ERICH6B: variants seen among roughly 807,000 people sequenced by gnomAD.
ERICH6B encodes glutamate rich 6B.
ERICH6B carries 69 observed loss-of-function variants against 80.0 expected under a neutral mutation model. That is an observed-to-expected ratio of 0.86 (90% CI 0.71 to 1.05). The LOEUF (loss-of-function observed/expected upper bound fraction) is 1.05, where lower values mean the gene tolerates loss of function less well. Among genes scored for constraint, ERICH6B ranks in the 50% least tolerant of loss-of-function variants. The pLI, the probability that ERICH6B is intolerant of heterozygous loss-of-function variation, is 0.00. For synonymous variants in ERICH6B, 283 were observed against 291.9 expected (o/e 0.97, Z 0.31); for missense variants, 754 against 796.1 (o/e 0.95, Z 0.64).
At chr13:45,597,154 T>A in intron 2 of ERICH6B, 91 bp from the exon 3 acceptor site, 2 of 931,826 alleles carry the variant, frequency 2.1e-6, no homozygotes, top group Non-Finnish European at 3.2e-6. Context: ...TTTCATTCAG[T>A]AGTCTTTGGA....
chr13:45,568,704 T>C (rs1875028017), intron 8 of ERICH6B, among the ~76,000 whole-genome samples: 1 of 152,044 alleles, frequency 6.6e-6, no homozygotes, highest in Non-Finnish European at 1.5e-5. Context: ...TGTAACAAAC[T>C]TGCACATCCT....
At chr13:45,563,837 T>C (rs1374767326) in intron 9 of ERICH6B, 49 bp from the exon 10 acceptor site, 1 of 1,448,056 alleles carries the variant, frequency 6.9e-7, no homozygotes, top group Admixed American at 2.0e-5. Context: ...AGTTCACGCA[T>C]ACATGCCATC....
chr13:45,554,158 C>G (rs1874338285), intron 11 of ERICH6B, among the ~76,000 whole-genome samples: 2 of 152,192 alleles, frequency 1.3e-5, no homozygotes, highest in African/African-American at 2.4e-5. Context: ...CAGCTCCTGG[C>G]CACTCTGTTC....
In ERICH6B at chr13:45,541,784, C is replaced by T. The variant is rs1336152995; in HGVS notation, c.1873-104G>A. The T allele has an allele frequency of 3.9e-6, 4 of 1,018,078 alleles. No individual in the cohort carries two copies. The African/African-American group carries it at 6.4e-5, about 16-fold the overall frequency. The allele number at this position is 1,018,078 out of a possible 1,614,324, so 63.1% of individuals were successfully genotyped here. The stretch of plus-strand genomic sequence containing the variant: ...TGGCCAGGACCAAGCGTTCCCTGAG[C>T]CTTCACTCGAGAAAGCACATCTGTG... On this transcript the variant is annotated intron_variant, in intron 14 of 14. Transcript: ENST00000298738.
chr13:45,561,266 T>G, intron 11 of ERICH6B, 103 bp downstream of exon 11: 2 of 1,175,900 alleles, frequency 1.7e-6, no homozygotes, highest in African/African-American at 3.1e-5. Flanking sequence ...GTGTTTACAT[T>G]GTGTGTTGTT....
chr13:45,542,775 A>G (rs1383985349), intron 14 of ERICH6B, among the ~76,000 whole-genome samples: 1 of 152,190 alleles, frequency 6.6e-6, no homozygotes, highest in Admixed American at 6.5e-5. Flanking sequence ...CTGGGATGTC[A>G]TTATTCACCT....
intron 5 of ERICH6B, among the ~76,000 whole-genome samples, chr13:45,586,851 G>C (rs977212416): frequency 6.6e-6 from 1 of 152,148 alleles, no homozygotes; most frequent in Admixed American, 6.6e-5. Flanking sequence ...TTTCTCTGAG[G>C]GGGGTCTGGG....
chr13:45,573,808 T>C lies in ERICH6B; in HGVS notation c.1050+1034A>G, dbSNP rs531610997. Among the ~76,000 whole-genome samples the C allele has an allele frequency of 3.3e-5, 5 of 152,354 alleles. No individual in the cohort carries two copies. In the East Asian group the frequency reaches 9.6e-4, roughly 29 times the overall value. ...CATCAATGGACAGGAGCCTTGAAGA[T>C]TTCTGAATAATTTGTGTCTAACTAA... On this transcript the variant is annotated intron_variant, in intron 8 of 14. Coordinates refer to ENST00000298738, the MANE Select transcript of ERICH6B (RefSeq NM_182542.3).
intron 13 of ERICH6B, among the ~76,000 whole-genome samples, chr13:45,546,840 C>T (rs1212736742): frequency 6.6e-6 from 1 of 152,192 alleles, no homozygotes; most frequent in Non-Finnish European, 1.5e-5. Flanking sequence ...AAGCCTTGCT[C>T]ACCTCCAGTG....
chr13:45,582,863 A>G (rs941805426), intron 5 of ERICH6B, among the ~76,000 whole-genome samples: 18 of 152,232 alleles, frequency 1.2e-4, no homozygotes, highest in African/African-American at 4.1e-4. Flanking sequence ...TAACCTTGTC[A>G]AAAAGTGACC....
intron 3 of ERICH6B, among the ~76,000 whole-genome samples, chr13:45,595,122 G>A (rs1414114621): frequency 2.6e-5 from 4 of 152,218 alleles, no homozygotes. Context: ...TAAGGGGGCC[G>A]AATGGGTATC....
intron 7 of ERICH6B, 106 bp downstream of exon 7, chr13:45,579,826 TG>T: frequency 9.0e-7 from 1 of 1,106,970 alleles, no homozygotes. Flanking sequence ...CTCTGGGCCC[TG>T]GGTCATGCTG....
intron 13 of ERICH6B, among the ~76,000 whole-genome samples, chr13:45,548,819 G>A (rs1460361111): frequency 2.0e-5 from 3 of 152,166 alleles, no homozygotes; most frequent in African/African-American, 7.2e-5. Context: ...GGCATTCAGG[G>A]GAGGGCAGAT....
At chr13:45,549,333 A>G (rs964134199) in intron 13 of ERICH6B, among the ~76,000 whole-genome samples, 1 of 152,036 alleles carries the variant, frequency 6.6e-6, no homozygotes, top group African/African-American at 2.4e-5. Flanking sequence ...CACTTAGAAG[A>G]GGGAGGGAAG....
At chr13:45,606,553 T>G (rs3992927) in intron 2 of ERICH6B, among the ~76,000 whole-genome samples, 2 of 25,798 alleles carry the variant, frequency 7.8e-5, no homozygotes, top group Non-Finnish European at 2.4e-4. Flanking sequence ...ATATATTTTT[T>G]TTTTTTTTTT....
intron 2 of ERICH6B, among the ~76,000 whole-genome samples, chr13:45,606,237 T>C (rs879275711): frequency 6.6e-6 from 1 of 152,108 alleles, no homozygotes; most frequent in Non-Finnish European, 1.5e-5. Context: ...AAAGAACCTT[T>C]CAATTAACCT....
chr13:45,577,391 C>T (rs928988109), intron 7 of ERICH6B, among the ~76,000 whole-genome samples: 2 of 139,828 alleles, frequency 1.4e-5, no homozygotes, highest in African/African-American at 5.1e-5. Context: ...TCAACCCATT[C>T]TCCTGCCTCA....
intron 4 of ERICH6B, among the ~76,000 whole-genome samples, 197 bp downstream of exon 4, chr13:45,590,452 A>C (rs1876110866): frequency 6.6e-6 from 1 of 151,934 alleles, no homozygotes; most frequent in Non-Finnish European, 1.5e-5. Flanking sequence ...CAGGACTCTG[A>C]TCTTGGGACC....
At chr13:45,600,701 A>G (rs1949822221) in intron 2 of ERICH6B, among the ~76,000 whole-genome samples, 1 of 152,194 alleles carries the variant, frequency 6.6e-6, no homozygotes, top group Non-Finnish European at 1.5e-5. Context: ...TTATGACTGC[A>G]CAGTATTCTA....
Sources: gnomAD v4.1 joint callset for allele counts (sites outside exome capture counted in the v4.1 genomes callset) on GRCh38, gnomAD v4.1.1 for gene constraint, MANE v1.5 for transcripts, NCBI Gene and HGNC (gene_info 2026-07-23, HGNC 2026-07-21) for gene names.